ADCY3: variants seen among roughly 807,000 people sequenced by gnomAD.
ADCY3 encodes adenylate cyclase type 3.
ADCY3 carries 70 observed loss-of-function variants against 119.4 expected under a neutral mutation model. That is an observed-to-expected ratio of 0.59 (90% CI 0.48 to 0.72). ADCY3 has a LOEUF of 0.72. Ranked by LOEUF, ADCY3 falls within the 30% of genes least tolerant of loss-of-function variation. The probability of loss-of-function intolerance (pLI) is 0.00; values close to 1 mark genes in which losing one functional copy is unlikely to be tolerated. For synonymous variants in ADCY3, 672 were observed against 621.4 expected, an observed-to-expected ratio of 1.08 and a Z score of -1.21; for missense variants, 1,238 against 1,541.6, an observed-to-expected ratio of 0.80 and a Z score of 3.30.
chr2:24,828,013 A>G lies in ADCY3; in HGVS notation c.2321T>C (p.Met774Thr). The change falls in exon 14 of 22, where the codon ATG (methionine) becomes ACG (threonine). Residue 774 changes from methionine (M) to threonine (T), a missense_variant. Around this residue, in one of 7 missense-constraint regions of ADCY3, gnomAD observed 499 missense variants for 571.0 expected, o/e 0.87. Transcript: ENST00000679454. ...GAGCAGCATGAGCGTGAGCTTCACCATGTGGCTGACCTGCACCAGCATGAT... is the reference window on the plus strand; with the variant it reads ...GAGCAGCATGAGCGTGAGCTTCACCGTGTGGCTGACCTGCACCAGCATGAT... ...ATIMLVQVSHMVKLTLMLLVA... is the reference protein window; with the variant it reads ...ATIMLVQVSHTVKLTLMLLVA... 6.2e-7 allele frequency: 1 copy of G among 1,614,248 alleles called. No individual in the cohort carries two copies. The highest frequency in any genetic ancestry group is 8.5e-7 in the Non-Finnish European group (1 of 1,180,040).
chr2:24,842,392 G>T lies in ADCY3; in HGVS notation c.826-8C>A. ...GGAAAGCATGAGGTTCTCCTGTGAG[G>T]GGCAGGAGAGGGTCAGAGGCAAAGG... On this transcript the variant is annotated splice_region_variant and splice_polypyrimidine_tract_variant and intron_variant, in intron 3 of 21. Transcript: ENST00000679454. The surrounding 1 kb of genome is among the most constrained non-coding windows in gnomAD (Gnocchi z 4.9). 6.2e-7 allele frequency: 1 copy of T among 1,614,066 alleles called. No individual in the cohort carries two copies. The highest frequency in any genetic ancestry group is 8.5e-7 in the Non-Finnish European group (1 of 1,179,990).
chr2:24,871,220 A>G lies in ADCY3; in HGVS notation c.825+1350T>C, dbSNP rs79598023. Among the ~76,000 whole-genome samples, 726 of 152,302 alleles carry G rather than the reference A, an allele frequency of 4.8e-3. 8 individuals are homozygous for G. The highest frequency in any genetic ancestry group is 0.017 in the African/African-American group (704 of 41,556). The stretch of plus-strand genomic sequence containing the variant: ...AAACAAGAAATGAGACAGTATTAAA[A>G]AAAAACAGAGTTGAAGAATGCCTTT... On this transcript the variant is annotated intron_variant, in intron 3 of 21. Coordinates refer to ENST00000679454, the MANE Select transcript of ADCY3 (RefSeq NM_004036.5).
At chr2:24,829,637 T>C (rs1456912411) in intron 13 of ADCY3, among the ~76,000 whole-genome samples, 2 of 151,454 alleles carry the variant, frequency 1.3e-5, no homozygotes, top group African/African-American at 2.4e-5. Flanking sequence ...TTAGCCAGGA[T>C]GATTTCGATC....
chr2:24,847,234 C>T (rs367964916), intron 3 of ADCY3, among the ~76,000 whole-genome samples: 7 of 152,266 alleles, frequency 4.6e-5, no homozygotes, highest in East Asian at 3.9e-4. Context: ...TAGGAGTTTC[C>T]GCTTTTGCTT....
rs960038443 is a variant in ADCY3 at position 24,899,523 on chromosome 2, A to C, written c.675+18790T>G. On this transcript the variant is annotated intron_variant, in intron 2 of 21. Coordinates refer to ENST00000679454, the MANE Select transcript of ADCY3 (RefSeq NM_004036.5). The surrounding 1 kb of genome is among the most constrained non-coding windows in gnomAD (Gnocchi z 4.5). ...CCTTCTTGCTGCTGCAGATGGAAGC[A>C]AGCAGAAGCAGCTTGCTAGACCAGC... Among the ~76,000 whole-genome samples, 2 of 152,166 alleles carry C rather than the reference A, an allele frequency of 1.3e-5. No individual in the cohort carries two copies. The highest frequency in any genetic ancestry group is 2.9e-5 in the Non-Finnish European group (2 of 68,032).
chr2:24,827,735 CCAAA>C (rs1031991377), intron 14 of ADCY3, 127 bp from the exon 15 acceptor site: 2 of 1,415,828 alleles, frequency 1.4e-6, no homozygotes, highest in African/African-American at 1.4e-5. Context: ...CAGGTCCTAG[CCAAA>C]CAGTGATACG....
chr2:24,881,795 C>A (rs1676429198), intron 2 of ADCY3, among the ~76,000 whole-genome samples: 2 of 135,170 alleles, frequency 1.5e-5, no homozygotes, highest in African/African-American at 6.7e-5. Flanking sequence ...CAGCCCACCA[C>A]CGAGGCCATT....
intron 3 of ADCY3, among the ~76,000 whole-genome samples, chr2:24,863,295 G>A (rs1179114323): frequency 6.6e-6 from 1 of 152,096 alleles, no homozygotes; most frequent in Non-Finnish European, 1.5e-5. Context: ...AATATAAACA[G>A]GCAGAAAAAG....
chr2:24,847,301 C>T (rs1246017738), intron 3 of ADCY3, among the ~76,000 whole-genome samples: 1 of 152,200 alleles, frequency 6.6e-6, no homozygotes, highest in Non-Finnish European at 1.5e-5. Flanking sequence ...CACCATGATT[C>T]CGAGGCCTCC....
intron 2 of ADCY3, among the ~76,000 whole-genome samples, chr2:24,896,647 C>A (rs1678322677): frequency 6.6e-6 from 1 of 152,182 alleles, no homozygotes; most frequent in Non-Finnish European, 1.5e-5. Flanking sequence ...ACAGCTCCCT[C>A]TGCAGTTGTT....
chr2:24,840,167 T>C, intron 6 of ADCY3, 136 bp from the exon 7 acceptor site: 2 of 1,189,098 alleles, frequency 1.7e-6, no homozygotes, highest in Non-Finnish European at 2.3e-6. Flanking sequence ...CCCCACAGCT[T>C]GGTGTTGGGT....
chr2:24,831,833 G>T, intron 11 of ADCY3, 84 bp from the exon 12 acceptor site: 2 of 943,674 alleles, frequency 2.1e-6, no homozygotes, highest in Non-Finnish European at 3.3e-6. Flanking sequence ...GGACGGGGAT[G>T]GGGGCAGGGG....
chr2:24,843,201 C>G (rs981551929), intron 3 of ADCY3, among the ~76,000 whole-genome samples: 1 of 152,188 alleles, frequency 6.6e-6, no homozygotes, highest in Admixed American at 6.5e-5. Context: ...TCAGGGTCAG[C>G]AAACCGTGGC....
At chr2:24,840,139 G>C (rs1572855567) in intron 6 of ADCY3, 108 bp from the exon 7 acceptor site, 1 of 1,442,760 alleles carries the variant, frequency 6.9e-7, no homozygotes. Flanking sequence ...CCCTCCACAA[G>C]AGGGGGCCTG....
chr2:24,821,422 C>G, intron 20 of ADCY3, 95 bp downstream of exon 20: 1 of 1,534,588 alleles, frequency 6.5e-7, no homozygotes, highest in Non-Finnish European at 8.8e-7. Flanking sequence ...CGAATTGCCT[C>G]AGTTGTCCTG....
intron 2 of ADCY3, among the ~76,000 whole-genome samples, chr2:24,909,727 T>G (rs1398899861): frequency 6.6e-6 from 1 of 152,126 alleles, no homozygotes; most frequent in Non-Finnish European, 1.5e-5. Flanking sequence ...CCCTACCCAA[T>G]CTCATGGCTT....
At chr2:24,886,573 G>GA (rs970540192) in intron 2 of ADCY3, among the ~76,000 whole-genome samples, 1 of 152,172 alleles carries the variant, frequency 6.6e-6, no homozygotes, top group Non-Finnish European at 1.5e-5. Flanking sequence ...CCTTGACACA[G>GA]AAACTCTGAA....
At chr2:24,862,767 A>G (rs551762307) in intron 3 of ADCY3, among the ~76,000 whole-genome samples, 1 of 152,270 alleles carries the variant, frequency 6.6e-6, no homozygotes, top group South Asian at 2.1e-4. Flanking sequence ...TATCTAATTT[A>G]TAATACCATA....
chr2:24,828,842 C>T (rs1030353787), intron 13 of ADCY3, among the ~76,000 whole-genome samples: 2 of 152,164 alleles, frequency 1.3e-5, no homozygotes, highest in East Asian at 3.9e-4. Flanking sequence ...GTGTCCTGTA[C>T]AGTGTCCAGG....
Sources: gnomAD v4.1 joint callset for allele counts (sites outside exome capture counted in the v4.1 genomes callset) on GRCh38, gnomAD v4.1.1 for gene constraint, gnomAD v4.1.1 regional missense constraint, Gnocchi (gnomAD v3.1) non-coding constraint, MANE v1.5 for transcripts, NCBI Gene and HGNC (gene_info 2026-07-23, HGNC 2026-07-21) for gene names.